Variants in SASH1 observed in about 807,000 individuals in gnomAD.
SASH1 encodes SAM and SH3 domain-containing protein 1.
Under a neutral mutation model 125.2 loss-of-function variants are expected in SASH1, and 44 were observed. The observed-to-expected ratio is 0.35, with a 90% CI of 0.28 to 0.45. The LOEUF is 0.45. Among genes scored for constraint, SASH1 ranks in the 20% least tolerant of loss-of-function variants. SASH1 has a pLI of 1.00. For missense variants in SASH1, 1,426 were observed against 1,614.5 expected (o/e 0.88, Z 2.00); for synonymous variants, 639 against 649.1 (o/e 0.98, Z 0.24).
intron 1 of SASH1, among the ~76,000 whole-genome samples, chr6:148,315,059 C>T (rs968505512): frequency 1.3e-5 from 2 of 151,762 alleles, no homozygotes; most frequent in African/African-American, 4.8e-5. Context: ...TACTCAGCCC[C>T]GTATAAATGA....
intron 1 of SASH1, among the ~76,000 whole-genome samples, chr6:148,359,391 C>A (rs75969135): frequency 0.019 from 2,886 of 149,452 alleles, 86 homozygotes; most frequent in African/African-American, 0.067. Flanking sequence ...ATTTTTGGTG[C>A]CATTTTTCCA....
At chr6:148,499,923 A>G (rs1214529668) in intron 8 of SASH1, among the ~76,000 whole-genome samples, 4 of 151,914 alleles carry the variant, frequency 2.6e-5, no homozygotes, top group Admixed American at 2.0e-4. Context: ...TATGTTTTTT[A>G]TCTTGTCTTT....
rs1583130933 is a variant in SASH1 at position 148,421,708 on chromosome 6, C to G, written c.286-18476C>G. ...TGGAAATGTTCTACAGTCTGCACTCCCACCAGCAGCACTCTTGCCCTGTTC... is the reference window on the plus strand; with the variant it reads ...TGGAAATGTTCTACAGTCTGCACTCGCACCAGCAGCACTCTTGCCCTGTTC... On this transcript the variant is annotated intron_variant, in intron 2 of 19. Coordinates refer to ENST00000367467, the MANE Select transcript of SASH1 (RefSeq NM_015278.5). Among the ~76,000 whole-genome samples, 4 of 152,192 alleles carry G rather than the reference C, an allele frequency of 2.6e-5. No homozygotes were observed. In the East Asian group the frequency reaches 7.7e-4, roughly 29 times the overall value.
At chr6:148,322,865 A>ACCTTTCTTTCTTTCTTTCTTTCTTTCTT (rs1554234510) in intron 1 of SASH1, among the ~76,000 whole-genome samples, 1 of 143,126 alleles carries the variant, frequency 7.0e-6, no homozygotes, top group Admixed American at 7.3e-5. Flanking sequence ...CATCCAAATC[A>ACCTTTCTTTCTTTCTTTCTTTCTTTCTT]TCTTTCTTTC....
rs187240469 is a variant in SASH1 at position 148,411,011 on chromosome 6, T to A, written c.285+20749T>A. Among the ~76,000 whole-genome samples the A allele has an allele frequency of 1.9e-3, 292 of 151,714 alleles. 2 individuals carry two copies. Among genetic ancestry groups the A allele is most frequent in the Admixed American group, 4.7e-3 (72 of 15,260 alleles). On this transcript the variant is annotated intron_variant, in intron 2 of 19. Transcript: ENST00000367467. ...CCTATCTCTATTAAAAATACAAAAT[T>A]AGCTGGGCATGGTGGCGCATGCCTG...
intron 1 of SASH1, among the ~76,000 whole-genome samples, chr6:148,351,529 G>A (rs1241047068): frequency 1.3e-5 from 2 of 151,674 alleles, no homozygotes; most frequent in Admixed American, 6.6e-5. Context: ...CTTTCTCCTA[G>A]CATGAGGTAG....
At chr6:148,209,304 G>A in the SASH1 span, among the ~76,000 whole-genome samples, 1 of 152,166 alleles carries the variant, frequency 6.6e-6, no homozygotes, top group African/African-American at 2.4e-5. Flanking sequence ...ATCAAAAGCT[G>A]TTTCTTCTTG....
intron 1 of SASH1, among the ~76,000 whole-genome samples, chr6:148,326,414 C>CTTTTCTTTTCTTTT (rs57839850): frequency 1.2e-5 from 1 of 83,978 alleles, no homozygotes; most frequent in Non-Finnish European, 2.3e-5. Context: ...CTTTTCTTTT[C>CTTTTCTTTTCTTTT]TTTTTTTTGA....
chr6:148,194,213 C>A, the SASH1 span, among the ~76,000 whole-genome samples: 1 of 152,154 alleles, frequency 6.6e-6, no homozygotes, highest in Non-Finnish European at 1.5e-5. Context: ...CAGAGATTCC[C>A]TGACTTTGGT....
chr6:148,424,880 G>A (rs907656305), intron 2 of SASH1, among the ~76,000 whole-genome samples: 3 of 152,118 alleles, frequency 2.0e-5, no homozygotes, highest in African/African-American at 7.2e-5. Context: ...CTGGGAACTT[G>A]GTAAAAATGC....
chr6:148,345,133 A>G (rs1456940252), intron 1 of SASH1, among the ~76,000 whole-genome samples: 2 of 152,168 alleles, frequency 1.3e-5, no homozygotes, highest in Admixed American at 6.5e-5. Flanking sequence ...TGGTTTGATA[A>G]TATCCCATTG....
chr6:148,456,780 C>A (rs186978797), intron 4 of SASH1, among the ~76,000 whole-genome samples: 28 of 151,654 alleles, frequency 1.8e-4, no homozygotes, highest in Admixed American at 7.2e-4. Flanking sequence ...GGGAGGATCA[C>A]CTGAGCCTGG....
chr6:148,442,190 C>T (rs1365012521), intron 4 of SASH1, among the ~76,000 whole-genome samples: 4 of 151,986 alleles, frequency 2.6e-5, no homozygotes, highest in African/African-American at 7.3e-5. Flanking sequence ...AGTTTGAGAT[C>T]AGCCTGGGCA....
chr6:148,283,206 G>A (rs1779390943), intron 1 of SASH1: 1 of 152,262 alleles, frequency 6.6e-6, no homozygotes, highest in African/African-American at 2.4e-5. Flanking sequence ...GAAGAGGACA[G>A]GGACAAAGAG....
At chr6:148,468,006 C>A (rs1315241283) in intron 4 of SASH1, among the ~76,000 whole-genome samples, 1 of 152,190 alleles carries the variant, frequency 6.6e-6, no homozygotes, top group African/African-American at 2.4e-5. Flanking sequence ...ATTGCACTTG[C>A]CAATTGGCAG....
chr6:148,338,990 C>T (rs112277322), upstream of SASH1, among the ~76,000 whole-genome samples: 3 of 114,662 alleles, frequency 2.6e-5, no homozygotes, highest in Admixed American at 1.3e-4. Flanking sequence ...GGGCAATGAG[C>T]GAGACTCTGT....
At chr6:148,326,760 G>A (rs983900279) in intron 1 of SASH1, among the ~76,000 whole-genome samples, 9 of 151,888 alleles carry the variant, frequency 5.9e-5, no homozygotes, top group Non-Finnish European at 1.0e-4. Flanking sequence ...TCATTCACTC[G>A]GATTACTACT....
chr6:148,197,085 G>A, the SASH1 span, among the ~76,000 whole-genome samples: 3 of 152,198 alleles, frequency 2.0e-5, no homozygotes, highest in Non-Finnish European at 4.4e-5. Context: ...CATGGGAGTC[G>A]TGGAAGGAGT....
intron 12 of SASH1, 56 bp downstream of exon 12, chr6:148,527,652 GA>G: frequency 6.5e-7 from 1 of 1,535,974 alleles, no homozygotes; most frequent in Non-Finnish European, 8.8e-7. Context: ...GAAAAGCTGA[GA>G]ATGGCCCTTC....
Sources: gnomAD v4.1 joint callset for allele counts (sites outside exome capture counted in the v4.1 genomes callset) on GRCh38, gnomAD v4.1.1 for gene constraint, MANE v1.5 for transcripts, NCBI Gene and HGNC (gene_info 2026-07-23, HGNC 2026-07-21) for gene names.